The following ZFP28 variants were observed in gnomAD, a reference collection of about 807,000 sequenced individuals.
ZFP28 encodes the protein zinc finger protein 28 homolog.
In ZFP28, 31 loss-of-function variants were observed where a neutral mutation model predicts 39.5. The observed-to-expected ratio is 0.79, with a 90% confidence interval of 0.59 to 1.06. ZFP28 has a LOEUF of 1.06. ZFP28 is among the 50% of genes least tolerant of loss of function. The pLI, the probability that ZFP28 is intolerant of heterozygous loss-of-function variation, is 0.00. For synonymous variants in ZFP28, 400 were observed against 378.6 expected (o/e 1.06, Z -0.66); for missense variants, 925 against 1,048.4 (o/e 0.88, Z 1.63).
chr19:56,551,691 C>G (rs2044305042), intron 7 of ZFP28: 37 of 984,936 alleles, frequency 3.8e-5, no homozygotes, highest in Non-Finnish European at 4.5e-5. Context: ...TACATGAAAA[C>G]TTTTGCTCAT....
chr19:56,549,992 C>T (rs2044281159), intron 5 of ZFP28, 75 bp from the exon 6 acceptor site: 1 of 1,241,968 alleles, frequency 8.1e-7, no homozygotes, highest in African/African-American at 1.5e-5. Context: ...GCAGTGTGGA[C>T]ACAGTCCATC....
rs1309984277 is a variant in ZFP28, at chr19:56,556,708, TAAAGG to T, written c.*1319_*1323del. 3 of 151,936 alleles carry T rather than the reference TAAAGG, an allele frequency of 2.0e-5. No individual in the cohort carries two copies. Among genetic ancestry groups the T allele is most frequent in the African/African-American group, 7.3e-5 (3 of 41,344 alleles). The allele number at this position is 151,936 out of a possible 1,614,324, so 9.4% of individuals were successfully genotyped here. A position where few individuals can be genotyped will look rare whatever the true frequency, so the allele number is the denominator to read the frequency against. On this transcript the variant is annotated 3_prime_UTR_variant, in exon 8 of 8. Transcript: ENST00000301318. ...ACATCAGAAACAAGAAAACAAATGA[TAAAGG>T]AACTCATTTATCAATAGAGGTGAAA...
chr19:56,548,192 A>T (rs902339634), intron 4 of ZFP28, among the ~76,000 whole-genome samples: 6 of 152,228 alleles, frequency 3.9e-5, no homozygotes, highest in African/African-American at 1.4e-4. Flanking sequence ...TTCAATTCAC[A>T]CTTCAAAGGA....
Position 56,556,611 on chromosome 19 carries a change from T to C in ZFP28, c.*1219T>C, listed in dbSNP as rs2044353739. 6.6e-6 allele frequency: 1 copy of C among 152,200 alleles called. No individual in the cohort carries two copies. The highest frequency in any genetic ancestry group is 2.1e-4 in the South Asian group (1 of 4,834). The allele number at this position is 152,200 out of a possible 1,614,324, so 9.4% of individuals were successfully genotyped here. ...TATTTCCTATCCTTTAACAGAAAGT[T>C]TGCCAACCTCTGCTCTAGAGTAGAG... On this transcript the variant is annotated 3_prime_UTR_variant, in exon 8 of 8. Transcript: ENST00000301318.
intron 2 of ZFP28, among the ~76,000 whole-genome samples, chr19:56,541,055 C>G (rs140781587): frequency 6.6e-6 from 1 of 152,170 alleles, no homozygotes; most frequent in African/African-American, 2.4e-5. Flanking sequence ...CTCCCAGATT[C>G]ACATTGTGAG....
intron 2 of ZFP28, among the ~76,000 whole-genome samples, chr19:56,543,235 A>G (rs1026765153): frequency 2.7e-5 from 4 of 150,908 alleles, no homozygotes; most frequent in Non-Finnish European, 4.4e-5. Flanking sequence ...ATTTCAACAG[A>G]AAGATTTTTC....
At chr19:56,552,146 GGA>G (rs1197583571) in intron 7 of ZFP28, 1 of 401,816 alleles carries the variant, frequency 2.5e-6, no homozygotes. Context: ...TAAACATTTA[GGA>G]GGTCTTCTCC....
At position 56,539,065 on chromosome 19, in the gene ZFP28, C is replaced by T. The variant is rs181108606; in HGVS notation, c.47C>T (p.Pro16Leu). The change falls in exon 1 of 8, where the codon CCG becomes CTG. Residue 16 changes from proline to leucine, a missense_variant. Physicochemically the swap from Pro to Leu is moderately conservative, Grantham distance 98. This residue lies in a region of ZFP28 where 556 missense variants were observed against 542.9 expected (regional missense o/e 1.02). Transcript: ENST00000301318. ...SASVREPTPL[P>L]GRGAPRTKPR... ...AGTGTCCGCGAGCCGACGCCGCTCCCGGGTAGAGGCGCCCCCCGCACAAAG... is the reference window on the plus strand; with the variant it reads ...AGTGTCCGCGAGCCGACGCCGCTCCTGGGTAGAGGCGCCCCCCGCACAAAG... 1 of 1,514,926 alleles carries T rather than the reference C, an allele frequency of 6.6e-7. No individual in the cohort carries two copies. Among genetic ancestry groups the T allele is most frequent in the Non-Finnish European group, 8.8e-7 (1 of 1,136,114 alleles). The allele number at this position is 1,514,926 out of a possible 1,614,324, so 93.8% of individuals were successfully genotyped here. A position where few individuals can be genotyped will look rare whatever the true frequency, so the allele number is the denominator to read the frequency against.
chr19:56,549,870 C>T (rs371609650), intron 5 of ZFP28, among the ~76,000 whole-genome samples, 197 bp from the exon 6 acceptor site: 1 of 152,122 alleles, frequency 6.6e-6, no homozygotes, highest in Non-Finnish European at 1.5e-5. Flanking sequence ...GAAAGTTTCT[C>T]CTATTTTTCT....
chr19:56,550,621 C>G lies in ZFP28; in HGVS notation c.898+16C>G. 6.2e-7 allele frequency: 1 copy of G among 1,613,326 alleles called. No homozygotes were observed. Among genetic ancestry groups the G allele is most frequent in the Non-Finnish European group, 8.5e-7 (1 of 1,179,374 alleles). Reference sequence around the variant, plus strand: ...CTGTTCTCAGGTGAGTGCAGGAGAGCCTGGTGTGGAAAATCTACTGCAAGA... The same window carrying G: ...CTGTTCTCAGGTGAGTGCAGGAGAGGCTGGTGTGGAAAATCTACTGCAAGA... On this transcript the variant is annotated intron_variant, in intron 7 of 7. Transcript: ENST00000301318.
Position 56,556,044 on chromosome 19 carries a change from A to G in ZFP28, c.*652A>G, listed in dbSNP as rs902813754. 1 of 152,258 alleles carries G rather than the reference A, an allele frequency of 6.6e-6. No individual in the cohort carries two copies. The highest frequency in any genetic ancestry group is 1.5e-5 in the Non-Finnish European group (1 of 68,068). The allele number at this position is 152,258 out of a possible 1,614,324, so 9.4% of individuals were successfully genotyped here. On this transcript the variant is annotated 3_prime_UTR_variant, in exon 8 of 8. Transcript: ENST00000301318. ...GACTTGTTTAAAAATCACATTTATA[A>G]GTGAACCGTATTAAAACTTTTAAGG...
At chr19:56,549,187 A>G in intron 5 of ZFP28, 66 bp downstream of exon 5, 1 of 1,532,360 alleles carries the variant, frequency 6.5e-7, no homozygotes, top group South Asian at 1.3e-5. Flanking sequence ...TCTTGAGGGA[A>G]GAGACCATGA....
chr19:56,541,877 ATTTTTT>A (rs11297964), intron 2 of ZFP28, among the ~76,000 whole-genome samples: 21 of 61,348 alleles, frequency 3.4e-4, no homozygotes, highest in East Asian at 2.3e-3. Flanking sequence ...CACCTGGCTA[ATTTTTT>A]TTTTTTTTTT....
chr19:56,550,680 T>C, intron 7 of ZFP28, 75 bp downstream of exon 7: 1 of 1,606,098 alleles, frequency 6.2e-7, no homozygotes, highest in Admixed American at 1.7e-5. Flanking sequence ...GGCTGCATCC[T>C]CACTAATATA....
chr19:56,553,616 T>C, intron 7 of ZFP28, 68 bp from the exon 8 acceptor site: 1 of 1,512,790 alleles, frequency 6.6e-7, no homozygotes, highest in Non-Finnish European at 8.8e-7. Context: ...TCACTAGTTT[T>C]CCTTTTGGCA....
Position 56,553,669 on chromosome 19 carries a change from C to G in ZFP28, c.899-15C>G. The G allele has an allele frequency of 6.5e-7, 1 of 1,541,408 alleles. No individual in the cohort carries two copies. Among genetic ancestry groups the G allele is most frequent in the South Asian group, 1.3e-5 (1 of 79,236 alleles). ...ACACGAAAAAGGAAATATGTGTTTT[C>G]TTGGTATCTTTCAGGCCAGCGATCT... On this transcript the variant is annotated splice_polypyrimidine_tract_variant and intron_variant, in intron 7 of 7. Coordinates refer to ENST00000301318, the MANE Select transcript of ZFP28 (RefSeq NM_020828.2).
chr19:56,545,546 C>G (rs571073231), intron 2 of ZFP28: 1 of 152,250 alleles, frequency 6.6e-6, no homozygotes, highest in Admixed American at 6.5e-5. Context: ...TAGTCAGATG[C>G]AGCATGGTGA....
rs755017866 is a variant in ZFP28, at chr19:56,553,719, C to A, written c.934C>A (p.Pro312Thr). ...RSVHETQELF[P>T]KQDSYAEGVT... ...TGTACATGAGACCCAGGAATTATTTCCAAAGCAAGATTCATATGCTGAAGG... is the reference window on the plus strand; with the variant it reads ...TGTACATGAGACCCAGGAATTATTTACAAAGCAAGATTCATATGCTGAAGG... Residue 312 changes from proline to threonine, a missense_variant, in exon 8 of 8, where the codon CCA becomes ACA. Around this residue, in one of 2 missense-constraint regions of ZFP28, gnomAD observed 556 missense variants for 542.9 expected, o/e 1.02. Transcript: ENST00000301318. 6.2e-7 allele frequency: 1 copy of A among 1,611,838 alleles called. No individual in the cohort carries two copies. Among genetic ancestry groups the A allele is most frequent in the African/African-American group, 1.3e-5 (1 of 74,914 alleles).
Position 56,547,289 on chromosome 19 carries a change from C to T in ZFP28, c.301-219C>T. On this transcript the variant is annotated intron_variant, in intron 2 of 7. Coordinates refer to ENST00000301318, the MANE Select transcript of ZFP28 (RefSeq NM_020828.2). This position sits in a 1 kb window ranked among gnomAD's most constrained non-coding sequence, Gnocchi z 4.6. Reference sequence around the variant, plus strand: ...ATCTCTTCCTGTTTTAATAAGGACACCAGACAGATTGGGTTAGGGCCCCAC... The same window carrying T: ...ATCTCTTCCTGTTTTAATAAGGACATCAGACAGATTGGGTTAGGGCCCCAC... 1 of 595,676 alleles carries T rather than the reference C, an allele frequency of 1.7e-6. No individual in the cohort carries two copies. Among genetic ancestry groups the T allele is most frequent in the Non-Finnish European group, 2.9e-6 (1 of 344,814 alleles). 36.9% of individuals were successfully genotyped at this position (595,676 alleles called of 1,614,324 possible).
Sources: gnomAD v4.1 joint callset for allele counts (sites outside exome capture counted in the v4.1 genomes callset) on GRCh38, gnomAD v4.1.1 for gene constraint, gnomAD v4.1.1 regional missense constraint, Gnocchi (gnomAD v3.1) non-coding constraint, MANE v1.5 for transcripts, NCBI Gene and HGNC (gene_info 2026-07-23, HGNC 2026-07-21) for gene names.